DLAT: variants seen among roughly 807,000 people sequenced by gnomAD.
DLAT encodes dihydrolipoyllysine-residue acetyltransferase component of pyruvate dehydrogenase complex, mitochondrial.
DLAT carries 43 observed loss-of-function variants against 68.0 expected under a neutral mutation model. That is an observed-to-expected ratio of 0.63 (90% CI 0.50 to 0.81). The LOEUF (loss-of-function observed/expected upper bound fraction) is 0.81. DLAT is among the 40% of genes least tolerant of loss of function. The probability of loss-of-function intolerance (pLI) is 0.00; values close to 1 mark genes in which losing one functional copy is unlikely to be tolerated. For synonymous variants in DLAT, 265 were observed against 288.6 expected (o/e 0.92, Z 0.83); for missense variants, 745 against 815.4 (o/e 0.91, Z 1.05).
At chr11:112,027,359 G>C (rs1460404032) in intron 2 of DLAT, among the ~76,000 whole-genome samples, 1 of 151,374 alleles carries the variant, frequency 6.6e-6, no homozygotes, top group Non-Finnish European at 1.5e-5. Flanking sequence ...GGGCAGAGGC[G>C]CTCCTCACTT....
intron 4 of DLAT, among the ~76,000 whole-genome samples, chr11:112,029,302 A>C (rs1555179758): frequency 2.0e-5 from 3 of 152,164 alleles, no homozygotes; most frequent in Non-Finnish European, 4.4e-5. Flanking sequence ...TTACTTTGGC[A>C]TGAAGAAATA....
intron 10 of DLAT, among the ~76,000 whole-genome samples, chr11:112,046,357 C>A (rs1163329814): frequency 6.6e-6 from 1 of 151,882 alleles, no homozygotes. Context: ...TTCATCCCAG[C>A]ACCATCTTTC....
At position 112,060,058 on chromosome 11, in the gene DLAT, A is replaced by C. The variant is rs940082519; in HGVS notation, c.1670A>C (p.Glu557Ala). 1 of 1,613,626 alleles carries C rather than the reference A, an allele frequency of 6.2e-7. No individual in the cohort carries two copies. Among genetic ancestry groups the C allele is most frequent in the African/African-American group, 1.3e-5 (1 of 74,990 alleles). The change falls in exon 12 of 14, where the codon GAA becomes GCA. Residue 557 changes from glutamate (E) to alanine (A), a missense_variant. Physicochemically the swap from Glu to Ala is moderately radical, Grantham distance 107. Coordinates refer to ENST00000280346, the MANE Select transcript of DLAT (RefSeq NM_001931.5). ...KAREGKLQPH[E>A]FQGGTFTISN... is the part of the protein sequence containing the mutation. ...AGAGAGGGTAAACTACAGCCACATGAATTCCAGGTAGGGTATTAATTATTG... is the reference window on the plus strand; with the variant it reads ...AGAGAGGGTAAACTACAGCCACATGCATTCCAGGTAGGGTATTAATTATTG...
At chr11:112,035,723 G>A (rs776639110) in intron 5 of DLAT, among the ~76,000 whole-genome samples, 5 of 37,076 alleles carry the variant, frequency 1.3e-4, no homozygotes, top group Non-Finnish European at 2.1e-4. Context: ...TCCTGACCTC[G>A]TGATCTGACT....
chr11:112,039,133 T>C (rs1194673108), intron 6 of DLAT, 111 bp from the exon 7 acceptor site: 22 of 1,050,956 alleles, frequency 2.1e-5, no homozygotes, highest in Admixed American at 2.4e-5. Context: ...ATGAAAGTTA[T>C]TAATATTTAA....
chr11:112,043,832 C>A (rs1032753000), intron 8 of DLAT, among the ~76,000 whole-genome samples: 4 of 152,176 alleles, frequency 2.6e-5, no homozygotes, highest in African/African-American at 9.6e-5. Context: ...ATATTAAATA[C>A]AAGGTAAATA....
intron 11 of DLAT, among the ~76,000 whole-genome samples, chr11:112,059,173 A>C (rs1489746290): frequency 2.0e-5 from 3 of 151,734 alleles, no homozygotes; most frequent in African/African-American, 7.3e-5. Flanking sequence ...TCTTCCTTTC[A>C]TCTGCTCAAA....
chr11:112,041,002 T>C (rs1051043372), intron 7 of DLAT, among the ~76,000 whole-genome samples: 1 of 151,474 alleles, frequency 6.6e-6, no homozygotes, highest in Non-Finnish European at 1.5e-5. Flanking sequence ...CATCGACTGC[T>C]ATCTACACAT....
intron 12 of DLAT, among the ~76,000 whole-genome samples, chr11:112,060,564 C>A (rs1864523668): frequency 6.6e-6 from 1 of 152,150 alleles, no homozygotes; most frequent in South Asian, 2.1e-4. Context: ...AAGCAATTCT[C>A]CTACCTCTGC....
chr11:112,027,452 A>G (rs1862119811), intron 2 of DLAT, among the ~76,000 whole-genome samples: 2 of 150,070 alleles, frequency 1.3e-5, no homozygotes, highest in South Asian at 2.1e-4. Context: ...CACGTCCCAG[A>G]CGATGGGCGG....
chr11:112,040,393 T>C (rs782309112), intron 7 of DLAT, among the ~76,000 whole-genome samples: 1 of 152,236 alleles, frequency 6.6e-6, no homozygotes, highest in Non-Finnish European at 1.5e-5. Flanking sequence ...GGGTTCTTCC[T>C]TCCTGTTAAA....
intron 7 of DLAT, among the ~76,000 whole-genome samples, chr11:112,040,095 G>A (rs1862974300): frequency 6.6e-6 from 1 of 152,170 alleles, no homozygotes; most frequent in Admixed American, 6.5e-5. Flanking sequence ...GCTTAGAACT[G>A]TATCTAGCAT....
chr11:112,033,493 C>T lies in DLAT; in HGVS notation c.750C>T (p.Asp250=). 1.2e-6 allele frequency: 2 copies of T among 1,613,914 alleles called. No homozygotes were observed. Among genetic ancestry groups the T allele is most frequent in the Non-Finnish European group, 1.7e-6 (2 of 1,179,930 alleles). The change falls in exon 5 of 14, where the codon GAC becomes GAT. Residue 250 remains aspartate (D), a synonymous_variant. Transcript: ENST00000280346. ...KKVGEKLSEG[D]LLAEIETDKA... ...TGGGTGAGAAGCTAAGTGAAGGAGA[C>T]TTACTGGCAGAGATAGAAACTGACA...
chr11:112,059,427 C>G (rs1864394292), intron 11 of DLAT, among the ~76,000 whole-genome samples: 1 of 150,302 alleles, frequency 6.7e-6, no homozygotes, highest in African/African-American at 2.5e-5. Flanking sequence ...GAGTCTCGCT[C>G]TGCTGCCCAG....
intron 10 of DLAT, among the ~76,000 whole-genome samples, chr11:112,048,141 C>T (rs1555181635): frequency 6.6e-6 from 1 of 152,184 alleles, no homozygotes; most frequent in African/African-American, 2.4e-5. Flanking sequence ...TCTCTTATTT[C>T]CTTGAGCAGT....
chr11:112,040,635 T>C (rs1263043272), intron 7 of DLAT, among the ~76,000 whole-genome samples: 2 of 152,232 alleles, frequency 1.3e-5, no homozygotes, highest in Non-Finnish European at 2.9e-5. Flanking sequence ...AGTAGAATGT[T>C]GTAAATTTTT....
chr11:112,029,011 G>A (rs1274752193), intron 4 of DLAT, 66 bp downstream of exon 4: 42 of 1,569,580 alleles, frequency 2.7e-5, no homozygotes, highest in Non-Finnish European at 3.7e-5. Context: ...TTTCATAGAT[G>A]GCTACTACAT....
intron 2 of DLAT, among the ~76,000 whole-genome samples, chr11:112,027,439 C>T (rs1361691295): frequency 1.3e-5 from 2 of 151,628 alleles, no homozygotes; most frequent in Non-Finnish European, 2.9e-5. Flanking sequence ...CAGTGGGGCT[C>T]CTCACGTCCC....
intron 11 of DLAT, among the ~76,000 whole-genome samples, chr11:112,056,497 C>T (rs868932713): frequency 1.2e-4 from 19 of 152,248 alleles, no homozygotes; most frequent in South Asian, 6.2e-4. Flanking sequence ...GAGACTCATC[C>T]ATGTTGTAGC....
Sources: allele counts gnomAD v4.1 joint callset (sites outside exome capture counted in the v4.1 genomes callset), GRCh38; gene constraint gnomAD v4.1.1; transcripts MANE v1.5; gene names NCBI Gene and HGNC (gene_info 2026-07-23, HGNC 2026-07-21).